The following MARCHF3 variants were observed in gnomAD, a reference collection of about 807,000 sequenced individuals.
MARCHF3 encodes the protein E3 ubiquitin-protein ligase MARCHF3.
A neutral mutation model predicts 24.2 loss-of-function variants in MARCHF3; 13 were observed. That is an observed-to-expected ratio of 0.54 (90% CI 0.35 to 0.85). The LOEUF (loss-of-function observed/expected upper bound fraction) is 0.85. Among genes scored for constraint, MARCHF3 ranks in the 40% least tolerant of loss-of-function variants. The pLI is 0.01. For synonymous variants in MARCHF3, 144 were observed against 137.3 expected (o/e 1.05, Z -0.34); for missense variants, 276 against 325.0 (o/e 0.85, Z 1.16).
At chr5:127,008,487 A>G (rs1377094442) in intron 1 of MARCHF3, among the ~76,000 whole-genome samples, 3 of 152,198 alleles carry the variant, frequency 2.0e-5, no homozygotes, top group Admixed American at 6.5e-5. Flanking sequence ...AGTCTGTCTC[A>G]CAGCAAAATT....
At chr5:126,948,899 C>T (rs907876185) in intron 1 of MARCHF3, among the ~76,000 whole-genome samples, 19 of 152,100 alleles carry the variant, frequency 1.2e-4, no homozygotes, top group Non-Finnish European at 5.9e-5. Flanking sequence ...TAGCATTTGT[C>T]CCCTGTGTCT....
intron 1 of MARCHF3, among the ~76,000 whole-genome samples, chr5:126,974,179 G>C (rs987561501): frequency 6.6e-6 from 1 of 151,908 alleles, no homozygotes; most frequent in Admixed American, 6.5e-5. Context: ...TTACAGGCGT[G>C]AGCCACCGCG....
chr5:126,988,534 G>A (rs1440103920), intron 1 of MARCHF3, among the ~76,000 whole-genome samples: 1 of 152,178 alleles, frequency 6.6e-6, no homozygotes, highest in Non-Finnish European at 1.5e-5. Flanking sequence ...CTCATGCTCT[G>A]TTTTCACAGG....
intron 1 of MARCHF3, among the ~76,000 whole-genome samples, chr5:126,947,164 T>G (rs1750053141): frequency 6.6e-6 from 1 of 152,110 alleles, no homozygotes. Flanking sequence ...TTCCTAGAGT[T>G]TCCAAAGGGC....
At chr5:126,942,179 C>G (rs1300361241) in intron 1 of MARCHF3, among the ~76,000 whole-genome samples, 1 of 152,200 alleles carries the variant, frequency 6.6e-6, no homozygotes, top group Non-Finnish European at 1.5e-5. Context: ...CTATGGCCAT[C>G]ATAGCATTTA....
intron 3 of MARCHF3, among the ~76,000 whole-genome samples, chr5:126,909,504 A>G (rs1337762124): frequency 6.6e-6 from 1 of 152,216 alleles, no homozygotes; most frequent in African/African-American, 2.4e-5. Context: ...CGAGCCACGC[A>G]CAGGATATAA....
chr5:126,918,687 G>A (rs913821254), intron 1 of MARCHF3, among the ~76,000 whole-genome samples: 2 of 152,168 alleles, frequency 1.3e-5, no homozygotes, highest in Non-Finnish European at 2.9e-5. Flanking sequence ...AAGATTAAAA[G>A]GAGAGAGAAA....
chr5:126,887,177 C>G (rs1030696556), intron 3 of MARCHF3, among the ~76,000 whole-genome samples: 1 of 152,172 alleles, frequency 6.6e-6, no homozygotes, highest in Non-Finnish European at 1.5e-5. Flanking sequence ...GCCTACAAAG[C>G]CCTGCATAGT....
chr5:126,969,062 C>T (rs566149314), intron 1 of MARCHF3, among the ~76,000 whole-genome samples: 5 of 152,076 alleles, frequency 3.3e-5, no homozygotes, highest in Admixed American at 1.3e-4. Flanking sequence ...ATCTAAGAAA[C>T]CATTGCCTAA....
intron 2 of MARCHF3, among the ~76,000 whole-genome samples, chr5:126,915,552 G>A (rs1187938617): frequency 2.0e-5 from 3 of 152,224 alleles, no homozygotes; most frequent in Admixed American, 6.5e-5. Flanking sequence ...CATATCCAGA[G>A]GTTCTTCTCA....
intron 3 of MARCHF3, among the ~76,000 whole-genome samples, chr5:126,907,193 T>A (rs1394286212): frequency 1.3e-5 from 2 of 149,750 alleles, no homozygotes; most frequent in African/African-American, 5.0e-5. Context: ...CAGTTTGTTA[T>A]AATTTCTGTT....
intron 3 of MARCHF3, among the ~76,000 whole-genome samples, chr5:126,885,843 A>G: frequency 6.6e-6 from 1 of 152,120 alleles, no homozygotes; most frequent in East Asian, 1.9e-4. Flanking sequence ...TTGTTACAAG[A>G]TGAAAAACCT....
intron 1 of MARCHF3, among the ~76,000 whole-genome samples, chr5:127,014,114 A>T (rs543657668): frequency 2.9e-4 from 44 of 152,320 alleles, no homozygotes; most frequent in African/African-American, 9.4e-4. Flanking sequence ...GTGAACCAAT[A>T]ACCTGAAGAA....
chr5:126,978,854 C>T (rs1407316950), intron 1 of MARCHF3, among the ~76,000 whole-genome samples: 2 of 152,146 alleles, frequency 1.3e-5, no homozygotes, highest in Non-Finnish European at 2.9e-5. Flanking sequence ...CTGGGGCTCT[C>T]AGATCCCTGG....
intron 4 of MARCHF3, among the ~76,000 whole-genome samples, chr5:126,872,265 G>C (rs1753001381): frequency 6.7e-6 from 1 of 149,704 alleles, no homozygotes; most frequent in Non-Finnish European, 1.5e-5. Context: ...TCTCCATGTT[G>C]GTCAGGCTGG....
At chr5:126,962,812 C>T (rs1750679159) in intron 1 of MARCHF3, among the ~76,000 whole-genome samples, 1 of 105,574 alleles carries the variant, frequency 9.5e-6, no homozygotes, top group Non-Finnish European at 1.9e-5. Context: ...GAATACTCAA[C>T]CTGTGTGTGT....
intron 1 of MARCHF3, among the ~76,000 whole-genome samples, chr5:126,965,021 T>TAAAAAAA: frequency 9.9e-6 from 1 of 101,518 alleles, no homozygotes. Flanking sequence ...ATGTTCTTAG[T>TAAAAAAA]AAAAAAAAAA....
At chr5:126,887,550 C>T (rs996271875) in intron 3 of MARCHF3, among the ~76,000 whole-genome samples, 2 of 152,146 alleles carry the variant, frequency 1.3e-5, no homozygotes, top group Admixed American at 1.3e-4. Context: ...GCTTCCTTTG[C>T]ATTCCTGTGT....
intron 3 of MARCHF3, among the ~76,000 whole-genome samples, chr5:126,896,007 T>A (rs1753888280): frequency 6.6e-6 from 1 of 152,036 alleles, no homozygotes; most frequent in Non-Finnish European, 1.5e-5. Flanking sequence ...CGGGATATAA[T>A]CTGGTGCGCC....
Sources: allele counts gnomAD v4.1 joint callset (sites outside exome capture counted in the v4.1 genomes callset), GRCh38; gene constraint gnomAD v4.1.1; transcripts MANE v1.5; gene names NCBI Gene and HGNC (gene_info 2026-07-23, HGNC 2026-07-21).